The following DIAPH3 variants were observed in gnomAD, a reference collection of about 807,000 sequenced individuals.
The protein encoded by DIAPH3 is diaphanous related formin 3, also known as protein diaphanous homolog 3.
In DIAPH3, 117 loss-of-function variants were observed where a neutral mutation model predicts 144.3. The observed-to-expected ratio is 0.81, with a 90% CI of 0.70 to 0.95. The LOEUF is 0.95. Among genes scored for constraint, DIAPH3 ranks in the 40% least tolerant of loss-of-function variants. The pLI, the probability that DIAPH3 is intolerant of heterozygous loss-of-function variation, is 0.00. For synonymous variants in DIAPH3, 519 were observed against 488.9 expected (o/e 1.06, Z -0.81); for missense variants, 1,421 against 1,412.7 (o/e 1.01, Z -0.09).
intron 18 of DIAPH3, among the ~76,000 whole-genome samples, chr13:59,923,740 A>G (rs2047626545): frequency 1.3e-5 from 2 of 152,270 alleles, no homozygotes; most frequent in Admixed American, 1.3e-4. Context: ...AGAAATAGAG[A>G]ATTGAATACT....
At chr13:59,991,064 ATCATT>A in intron 12 of DIAPH3, 89 bp downstream of exon 12, 2 of 762,090 alleles carry the variant, frequency 2.6e-6, no homozygotes, top group Non-Finnish European at 4.4e-6. Flanking sequence ...AAAAATAAAA[ATCATT>A]TGCTTGTCAA....
chr13:60,045,781 A>C (rs920928753), intron 4 of DIAPH3, among the ~76,000 whole-genome samples: 1 of 152,214 alleles, frequency 6.6e-6, no homozygotes, highest in African/African-American at 2.4e-5. Flanking sequence ...ACAACTGAAT[A>C]AATAGATTTT....
At chr13:60,058,312 T>C (rs1218236877) in intron 4 of DIAPH3, among the ~76,000 whole-genome samples, 2 of 151,828 alleles carry the variant, frequency 1.3e-5, no homozygotes, top group African/African-American at 4.8e-5. Flanking sequence ...CCAATCATCA[T>C]GGAAATGCAA....
intron 17 of DIAPH3, among the ~76,000 whole-genome samples, chr13:59,951,583 A>G (rs2049102296): frequency 6.6e-6 from 1 of 152,114 alleles, no homozygotes; most frequent in Admixed American, 6.6e-5. Flanking sequence ...TAAACTTCAT[A>G]ATTAAATACT....
At chr13:60,158,751 T>A (rs1268905788) in intron 1 of DIAPH3, among the ~76,000 whole-genome samples, 4 of 151,686 alleles carry the variant, frequency 2.6e-5, no homozygotes, top group African/African-American at 9.7e-5. Context: ...TGGTTCCTCA[T>A]CCTCCCAGCA....
chr13:59,731,815 G>A (rs1301221599), intron 27 of DIAPH3, among the ~76,000 whole-genome samples: 1 of 152,140 alleles, frequency 6.6e-6, no homozygotes, highest in African/African-American at 2.4e-5. Flanking sequence ...AAAAATGTTT[G>A]TACCTAAAGT....
At chr13:60,115,868 A>G (rs2058691298) in intron 2 of DIAPH3, among the ~76,000 whole-genome samples, 1 of 152,100 alleles carries the variant, frequency 6.6e-6, no homozygotes, top group African/African-American at 2.4e-5. Flanking sequence ...ACCTGTGTGT[A>G]AGGGGATCTG....
chr13:60,119,927 G>T (rs1260565369), intron 2 of DIAPH3, among the ~76,000 whole-genome samples: 1 of 151,970 alleles, frequency 6.6e-6, no homozygotes, highest in African/African-American at 2.4e-5. Flanking sequence ...AGGTATGAAT[G>T]AATGAGCAAT....
At chr13:59,822,443 TA>T (rs1789369862) in intron 24 of DIAPH3, among the ~76,000 whole-genome samples, 2 of 152,076 alleles carry the variant, frequency 1.3e-5, no homozygotes, top group Admixed American at 6.5e-5. Flanking sequence ...TTTATTTATT[TA>T]TTTATTTTTT....
At chr13:59,719,976 A>G (rs1194605182) in intron 27 of DIAPH3, among the ~76,000 whole-genome samples, 3 of 152,158 alleles carry the variant, frequency 2.0e-5, no homozygotes, top group African/African-American at 7.2e-5. Flanking sequence ...TGAGGAGGAG[A>G]AACTGGATAG....
At chr13:59,717,135 A>G (rs1196449498) in intron 27 of DIAPH3, among the ~76,000 whole-genome samples, 1 of 152,334 alleles carries the variant, frequency 6.6e-6, no homozygotes, top group Non-Finnish European at 1.5e-5. Context: ...GAGGGTTGAC[A>G]TTAGAAAAAA....
At chr13:60,076,274 C>T (rs1280841918) in intron 4 of DIAPH3, among the ~76,000 whole-genome samples, 1 of 152,180 alleles carries the variant, frequency 6.6e-6, no homozygotes, top group East Asian at 1.9e-4. Flanking sequence ...TGGCTCCAGT[C>T]CCTCACAAGG....
chr13:60,042,874 TA>T (rs2055790372), intron 4 of DIAPH3, 54 bp from the exon 5 acceptor site: 1 of 1,594,196 alleles, frequency 6.3e-7, no homozygotes, highest in South Asian at 1.1e-5. Flanking sequence ...GATTACCCAT[TA>T]AAAAATAACA....
At chr13:59,758,329 G>A (rs2037392932) in intron 27 of DIAPH3, among the ~76,000 whole-genome samples, 1 of 152,108 alleles carries the variant, frequency 6.6e-6, no homozygotes, top group Non-Finnish European at 1.5e-5. Flanking sequence ...GGAAAAAAAT[G>A]TGTGATATGC....
intron 27 of DIAPH3, among the ~76,000 whole-genome samples, chr13:59,739,943 G>T (rs1228866780): frequency 1.3e-5 from 2 of 152,196 alleles, no homozygotes; most frequent in Admixed American, 1.3e-4. Context: ...TGAATGAAGT[G>T]ATGTGTAGGC....
intron 4 of DIAPH3, among the ~76,000 whole-genome samples, chr13:60,043,383 GCAGAA>G (rs1207520112): frequency 6.6e-6 from 1 of 152,144 alleles, no homozygotes; most frequent in African/African-American, 2.4e-5. Flanking sequence ...ATCTAACTTG[GCAGAA>G]CAGATCAGGG....
rs570727798 is a variant in DIAPH3 at position 60,101,794 on chromosome 13, C to G, written c.391-8062G>C. 3.3e-5 allele frequency among the ~76,000 whole-genome samples: 5 copies of G among 152,258 alleles called. No individual in the cohort carries two copies. In the East Asian group the frequency reaches 5.8e-4, roughly 18 times the overall value. On this transcript the variant is annotated intron_variant, in intron 3 of 27. Coordinates refer to ENST00000400324, the MANE Select transcript of DIAPH3 (RefSeq NM_001042517.2). ...AATCCTTATCTCTGACCTCAATCTT[C>G]CATCTTGCCACTTCTCCCACTCCCA...
intron 2 of DIAPH3, among the ~76,000 whole-genome samples, chr13:60,113,140 G>A (rs145744862): frequency 6.6e-6 from 1 of 152,172 alleles, no homozygotes; most frequent in East Asian, 1.9e-4. Flanking sequence ...CATTATGGTA[G>A]CCACTAGCTA....
At chr13:59,800,164 T>G (rs1029452528) in intron 25 of DIAPH3, among the ~76,000 whole-genome samples, 6 of 152,186 alleles carry the variant, frequency 3.9e-5, no homozygotes, top group African/African-American at 1.4e-4. Flanking sequence ...ATAGAAACCC[T>G]CATTACTCAT....
Sources: gnomAD v4.1 joint callset for allele counts (sites outside exome capture counted in the v4.1 genomes callset) on GRCh38, gnomAD v4.1.1 for gene constraint, MANE v1.5 for transcripts, NCBI Gene and HGNC (gene_info 2026-07-23, HGNC 2026-07-21) for gene names.